Variants in EPHB1 observed in about 807,000 individuals in gnomAD.
The protein encoded by EPHB1 is ephrin type-B receptor 1.
Under a neutral mutation model 94.4 loss-of-function variants are expected in EPHB1, and 30 were observed. That is an observed-to-expected ratio of 0.32 (90% confidence interval 0.24 to 0.43). The LOEUF is 0.43. EPHB1 is among the 20% of genes least tolerant of loss of function. The pLI, the probability that EPHB1 is intolerant of heterozygous loss-of-function variation, is 1.00. For synonymous variants in EPHB1, 522 were observed against 489.1 expected, an observed-to-expected ratio of 1.07 and a Z score of -0.89; for missense variants, 1,055 against 1,308.3, an observed-to-expected ratio of 0.81 and a Z score of 2.99.
chr3:135,142,571 C>A (rs1358881303), intron 5 of EPHB1, among the ~76,000 whole-genome samples: 1 of 152,092 alleles, frequency 6.6e-6, no homozygotes, highest in Non-Finnish European at 1.5e-5. Context: ...GAAGTAAAGG[C>A]CAAGAGTGCC....
At chr3:135,128,330 G>T (rs1940285921) in intron 4 of EPHB1, among the ~76,000 whole-genome samples, 1 of 152,254 alleles carries the variant, frequency 6.6e-6, no homozygotes, top group African/African-American at 2.4e-5. Flanking sequence ...TCCAAGCCAA[G>T]GAGGCAATGC....
At chr3:134,833,488 A>G (rs1210087104) in intron 1 of EPHB1, among the ~76,000 whole-genome samples, 1 of 152,242 alleles carries the variant, frequency 6.6e-6, no homozygotes, top group African/African-American at 2.4e-5. Context: ...GTAAACTTTC[A>G]TTGAGCACCT....
chr3:135,182,981 TTTTGC>T lies in EPHB1; in HGVS notation c.1882+3003_1882+3007del. On this transcript the variant is annotated intron_variant, in intron 10 of 15. Transcript: ENST00000398015. The stretch of plus-strand genomic sequence containing the variant: ...TTCGTTTCTTTTCTCTTTTCTTTTC[TTTTGC>T]TTTCTTTTCTTTTCTTTTCTTTTCT... Among the ~76,000 whole-genome samples, 3 of 136,878 alleles carry T rather than the reference TTTTGC, an allele frequency of 2.2e-5. No individual in the cohort carries two copies. The East Asian group carries it at 6.6e-4, about 30-fold the overall frequency. The allele number at this position is 136,878 out of a possible 152,430, so 89.8% of individuals were successfully genotyped here. A position where few individuals can be genotyped will look rare whatever the true frequency, so the allele number is the denominator to read the frequency against.
At chr3:134,816,934 C>G (rs1459440183) in intron 1 of EPHB1, among the ~76,000 whole-genome samples, 1 of 151,924 alleles carries the variant, frequency 6.6e-6, no homozygotes, top group Non-Finnish European at 1.5e-5. Context: ...CCTAGCAGAC[C>G]CAGCAGAGCA....
At chr3:135,168,883 A>G (rs1276706086) in intron 9 of EPHB1, among the ~76,000 whole-genome samples, 1 of 152,224 alleles carries the variant, frequency 6.6e-6, no homozygotes, top group Non-Finnish European at 1.5e-5. Context: ...TTCGAAGTCA[A>G]GAGATATCCA....
intron 4 of EPHB1, among the ~76,000 whole-genome samples, chr3:135,122,073 G>T (rs1320012549): frequency 6.6e-6 from 1 of 152,178 alleles, no homozygotes; most frequent in Non-Finnish European, 1.5e-5. Context: ...TCAGTCAGTG[G>T]TTTGTGTGGC....
intron 4 of EPHB1, among the ~76,000 whole-genome samples, chr3:135,114,841 C>T (rs1173062182): frequency 6.6e-6 from 1 of 152,066 alleles, no homozygotes; most frequent in African/African-American, 2.4e-5. Flanking sequence ...TCAGAGTTGT[C>T]TACCCTACTT....
intron 3 of EPHB1, among the ~76,000 whole-genome samples, chr3:134,975,438 G>C (rs376572332): frequency 1.3e-5 from 2 of 152,268 alleles, no homozygotes; most frequent in South Asian, 2.1e-4. Context: ...GGTAGGCTTA[G>C]GGGGAAGAAT....
intron 9 of EPHB1, among the ~76,000 whole-genome samples, chr3:135,167,840 A>T (rs141628342): frequency 1.1e-3 from 174 of 152,280 alleles, no homozygotes; most frequent in African/African-American, 4.0e-3. Flanking sequence ...TGTGAGCCTC[A>T]TCTCACCTCA....
chr3:135,111,666 C>T (rs898823878), intron 4 of EPHB1, among the ~76,000 whole-genome samples: 4 of 152,002 alleles, frequency 2.6e-5, no homozygotes, highest in Admixed American at 2.0e-4. Context: ...TGTTCTGGCT[C>T]AATTTCTATT....
chr3:135,132,374 A>G (rs1183897254), intron 4 of EPHB1, among the ~76,000 whole-genome samples: 1 of 152,180 alleles, frequency 6.6e-6, no homozygotes. Context: ...TTCAATATAT[A>G]TACATTTTAT....
intron 1 of EPHB1, among the ~76,000 whole-genome samples, chr3:134,849,253 A>T (rs1333632062): frequency 2.0e-5 from 3 of 152,202 alleles, no homozygotes; most frequent in African/African-American, 7.2e-5. Context: ...TAGCTTTTGA[A>T]TGGGGCCTGA....
intron 1 of EPHB1, among the ~76,000 whole-genome samples, chr3:134,809,252 G>A (rs373762969): frequency 5.3e-5 from 8 of 152,272 alleles, no homozygotes; most frequent in African/African-American, 1.9e-4. Context: ...TCATTTGAGA[G>A]AGAGAGTGAT....
intron 3 of EPHB1, among the ~76,000 whole-genome samples, chr3:135,010,817 C>T (rs1386943315): frequency 2.0e-5 from 3 of 152,020 alleles, no homozygotes; most frequent in Non-Finnish European, 4.4e-5. Context: ...CTACCTCGGC[C>T]TCCAAAAGTG....
At chr3:135,154,076 A>G in intron 5 of EPHB1, 76 bp from the exon 6 acceptor site, 2 of 1,590,056 alleles carry the variant, frequency 1.3e-6, no homozygotes, top group Non-Finnish European at 1.7e-6. Flanking sequence ...TTTTCTCCCT[A>G]CGTACCTCTG....
intron 3 of EPHB1, among the ~76,000 whole-genome samples, chr3:135,066,595 T>A (rs1185315820): frequency 2.6e-5 from 4 of 152,208 alleles, no homozygotes; most frequent in Non-Finnish European, 5.9e-5. Context: ...ATTTCTCCCT[T>A]CACTTCTTGT....
intron 12 of EPHB1, among the ~76,000 whole-genome samples, chr3:135,221,659 C>T (rs1943281822): frequency 6.6e-6 from 1 of 152,118 alleles, no homozygotes; most frequent in African/African-American, 2.4e-5. Context: ...CTGGTTCTAC[C>T]AGTTGTTAAC....
chr3:135,097,986 A>C (rs9847974), intron 3 of EPHB1, among the ~76,000 whole-genome samples: 52,639 of 151,992 alleles, frequency 0.35, 9,476 homozygotes, highest in South Asian at 0.42. Flanking sequence ...CAACTTTTAC[A>C]CATCCTTTGA....
intron 12 of EPHB1, among the ~76,000 whole-genome samples, chr3:135,232,625 CTT>C (rs1559884356): frequency 6.6e-6 from 1 of 151,838 alleles, no homozygotes; most frequent in Non-Finnish European, 1.5e-5. Flanking sequence ...GCTTTTTTTC[CTT>C]TTTCATCATT....
Sources: gnomAD v4.1 joint callset for allele counts (sites outside exome capture counted in the v4.1 genomes callset) on GRCh38, gnomAD v4.1.1 for gene constraint, MANE v1.5 for transcripts, NCBI Gene and HGNC (gene_info 2026-07-23, HGNC 2026-07-21) for gene names.